The following ABI3BP variants were observed in gnomAD, a reference collection of about 807,000 sequenced individuals.
ABI3BP encodes ABI family member 3 binding protein, also known as target of Nesh-SH3.
ABI3BP carries 216 observed loss-of-function variants against 268.6 expected under a neutral mutation model. The observed-to-expected ratio is 0.80, with a 90% CI of 0.72 to 0.90. ABI3BP has a LOEUF of 0.90. Ranked by LOEUF, ABI3BP falls within the 40% of genes least tolerant of loss-of-function variation. The probability of loss-of-function intolerance (pLI) is 0.00; values close to 1 mark genes in which losing one functional copy is unlikely to be tolerated. For missense variants in ABI3BP, 2,090 were observed against 2,182.4 expected, an observed-to-expected ratio of 0.96 and a Z score of 0.84; for synonymous variants, 730 against 730.0, an observed-to-expected ratio of 1.00 and a Z score of 0.00.
chr3:100,813,860 C>T (rs1267254534), intron 44 of ABI3BP, 125 bp from the exon 45 acceptor site: 2 of 755,482 alleles, frequency 2.6e-6, no homozygotes, highest in Non-Finnish European at 4.3e-6. Context: ...GAGAGCCATA[C>T]AGAATGTGCC....
chr3:100,960,324 A>T (rs2078588354), intron 1 of ABI3BP, among the ~76,000 whole-genome samples: 1 of 152,262 alleles, frequency 6.6e-6, no homozygotes. Context: ...AAGAGAATTG[A>T]ACAGAAGAAA....
At chr3:100,794,766 G>A (rs1170579895) in intron 54 of ABI3BP, among the ~76,000 whole-genome samples, 157 bp downstream of exon 54, 2 of 151,744 alleles carry the variant, frequency 1.3e-5, no homozygotes, top group African/African-American at 4.8e-5. Flanking sequence ...ATAAATATTA[G>A]GACAAATACA....
rs1432031438 is a variant in ABI3BP at position 100,850,033 on chromosome 3, G to T, written c.1501+12C>A. On this transcript the variant is annotated intron_variant, in intron 17 of 67. Transcript: ENST00000471714. ...TCAATGCATACATAACTACATAAAT[G>T]TCATTAGTTACCAGGTGTCGTAGGC... The T allele has an allele frequency of 1.2e-6, 2 of 1,606,242 alleles. No homozygotes were observed. Among genetic ancestry groups the T allele is most frequent in the Admixed American group, 1.7e-5 (1 of 59,408 alleles).
At chr3:100,751,451 T>TACTATAGA in intron 67 of ABI3BP, 101 bp downstream of exon 67, 1 of 1,265,662 alleles carries the variant, frequency 7.9e-7, no homozygotes, top group Non-Finnish European at 1.0e-6. Flanking sequence ...GGAGCAGTAG[T>TACTATAGA]ACTATAGAAT....
At chr3:100,865,905 C>T (rs554778444) in intron 10 of ABI3BP, among the ~76,000 whole-genome samples, 25 of 152,168 alleles carry the variant, frequency 1.6e-4, no homozygotes, top group Non-Finnish European at 2.8e-4. Context: ...CCAAATGGGT[C>T]ACTCCAGTAG....
intron 1 of ABI3BP, among the ~76,000 whole-genome samples, chr3:100,929,396 T>A (rs774550927): frequency 1.3e-5 from 2 of 152,024 alleles, no homozygotes; most frequent in Non-Finnish European, 2.9e-5. Context: ...CCAGTCTCTC[T>A]CCCTTTTGCT....
intron 57 of ABI3BP, among the ~76,000 whole-genome samples, chr3:100,787,335 A>T (rs1021751362): frequency 5.0e-4 from 76 of 152,202 alleles, no homozygotes; most frequent in African/African-American, 1.8e-3. Context: ...TATTCAAAAA[A>T]AATTTTAATG....
At chr3:100,879,095 C>T (rs533348820) in intron 6 of ABI3BP, among the ~76,000 whole-genome samples, 6 of 152,298 alleles carry the variant, frequency 3.9e-5, no homozygotes, top group Admixed American at 2.0e-4. Context: ...CACTGCTGTG[C>T]GATAGCACTC....
chr3:100,757,776 A>T (rs187563664), intron 63 of ABI3BP, among the ~76,000 whole-genome samples: 4 of 152,316 alleles, frequency 2.6e-5, no homozygotes, highest in Admixed American at 2.6e-4. Flanking sequence ...GCATCTTGTG[A>T]AAAGGTCAGT....
chr3:100,858,355 G>A (rs2098961503), intron 14 of ABI3BP, among the ~76,000 whole-genome samples: 1 of 152,146 alleles, frequency 6.6e-6, no homozygotes, highest in African/African-American at 2.4e-5. Flanking sequence ...GGACAAATAG[G>A]CTGAATGCAG....
intron 9 of ABI3BP, among the ~76,000 whole-genome samples, chr3:100,872,059 G>C (rs2099115442): frequency 6.6e-6 from 1 of 152,096 alleles, no homozygotes. Context: ...GCCTACGCTA[G>C]TCTTGCATTG....
In ABI3BP at chr3:100,780,213, T is replaced by G. The variant is rs1481713770; in HGVS notation, c.4163-4A>C. 7 of 1,611,272 alleles carry G rather than the reference T, an allele frequency of 4.3e-6. No homozygotes were observed. The highest frequency in any genetic ancestry group is 5.1e-6 in the Non-Finnish European group (6 of 1,178,496). On this transcript the variant is annotated splice_region_variant and splice_polypyrimidine_tract_variant and intron_variant, in intron 57 of 67. Transcript: ENST00000471714. ...GGCCTGGGTGCTTGCTTGACCCCTA[T>G]GAGCAGAGATAATGAAAGGGAATAA...
chr3:100,838,860 A>G (rs1204787166), intron 24 of ABI3BP, among the ~76,000 whole-genome samples: 1 of 152,244 alleles, frequency 6.6e-6, no homozygotes, highest in Non-Finnish European at 1.5e-5. Context: ...AACATTTGAA[A>G]TTACACATGA....
In ABI3BP at chr3:100,816,745, G is replaced by C; in HGVS notation, c.3172C>G (p.Arg1058Gly). 1 of 1,535,820 alleles carries C rather than the reference G, an allele frequency of 6.5e-7. No homozygotes were observed. Among genetic ancestry groups the C allele is most frequent in the Non-Finnish European group, 8.7e-7 (1 of 1,146,690 alleles). The change falls in exon 43 of 68, where the codon CGT (arginine) becomes GGT (glycine). Residue 1058 changes from arginine to glycine, a missense_variant. Coordinates refer to ENST00000471714, the MANE Select transcript of ABI3BP (RefSeq NM_001375547.2). ...TLAPKTQRTR[R>G]PRPRPKTTSS... ...GTAGTTTTGGGTCTGGGACGGGGAC[G>C]ACGTGTCCGTTGTGTTTTAGGAGCT...
chr3:100,901,679 T>C (rs2050438383), intron 3 of ABI3BP, among the ~76,000 whole-genome samples: 1 of 150,738 alleles, frequency 6.6e-6, no homozygotes, highest in Non-Finnish European at 1.5e-5. Flanking sequence ...GGCAGGAGAA[T>C]GGCGTGAACC....
At chr3:100,823,327 T>G (rs1238135835) in intron 37 of ABI3BP, 131 bp downstream of exon 37, 3 of 747,366 alleles carry the variant, frequency 4.0e-6, no homozygotes, top group Non-Finnish European at 6.2e-6. Context: ...AAACAACAGT[T>G]AAGAGTCTTA....
chr3:100,835,529 C>T (rs2098562567), intron 28 of ABI3BP, 72 bp downstream of exon 28: 2 of 1,192,140 alleles, frequency 1.7e-6, no homozygotes, highest in Non-Finnish European at 2.3e-6. Context: ...AAACCCTTAG[C>T]CCAAATAGTG....
At chr3:100,885,273 T>C (rs2041434587) in intron 6 of ABI3BP, among the ~76,000 whole-genome samples, 1 of 152,090 alleles carries the variant, frequency 6.6e-6, no homozygotes, top group South Asian at 2.1e-4. Flanking sequence ...ATGTATAACC[T>C]TGAAATACCC....
At chr3:100,981,052 A>C (rs1276805698) in intron 1 of ABI3BP, among the ~76,000 whole-genome samples, 1 of 152,222 alleles carries the variant, frequency 6.6e-6, no homozygotes. Flanking sequence ...TTATAGCCAA[A>C]GCCATCTAGG....
Sources: allele counts gnomAD v4.1 joint callset (sites outside exome capture counted in the v4.1 genomes callset), GRCh38; gene constraint gnomAD v4.1.1; transcripts MANE v1.5; gene names NCBI Gene and HGNC (gene_info 2026-07-23, HGNC 2026-07-21).